HSF5: variants seen among roughly 807,000 people sequenced by gnomAD.
HSF5 encodes the protein heat shock transcription factor 5, also known as heat shock factor protein 5.
In HSF5, 5 loss-of-function variants were observed where a neutral mutation model predicts 50.8. That is an observed-to-expected ratio of 0.10 (90% CI 0.05 to 0.21). The LOEUF (loss-of-function observed/expected upper bound fraction) is 0.21. Among genes scored for constraint, HSF5 ranks in the 10% least tolerant of loss-of-function variants. The pLI is 1.00. For synonymous variants in HSF5, 307 were observed against 307.4 expected, an observed-to-expected ratio of 1.00 and a Z score of 0.02; for missense variants, 564 against 762.6, an observed-to-expected ratio of 0.74 and a Z score of 3.07.
At chr17:58,482,493 G>T (rs1013329591) in intron 1 of HSF5, among the ~76,000 whole-genome samples, 2 of 151,830 alleles carry the variant, frequency 1.3e-5, no homozygotes, top group Non-Finnish European at 2.9e-5. Flanking sequence ...CAGATCACTT[G>T]AGCTTAGGAG....
intron 2 of HSF5, chr17:58,476,649 G>A (rs1338871029): frequency 6.4e-6 from 10 of 1,559,940 alleles, no homozygotes; most frequent in East Asian, 2.2e-5. Flanking sequence ...GTGCCTCTTC[G>A]TCCTCCTCCC....
rs755456939 is a variant in HSF5 at position 58,480,169 on chromosome 17, G to T, written c.649C>A (p.Pro217Thr). Residue 217 changes from proline to threonine, a missense_variant, in exon 2 of 6, where the codon CCT (proline) becomes ACT (threonine). This residue lies in a region of HSF5 where 441 missense variants were observed against 533.6 expected (regional missense o/e 0.83). Coordinates refer to ENST00000323777, the MANE Select transcript of HSF5 (RefSeq NM_001080439.3). The part of the protein sequence containing the change: ...STPSHDHSTY[P>T]LKGLDRTPVP... ...GGGGTCCGATCTAAACCTTTCAGAG[G>T]GTAAGTACTGTGGTCGTGGGATGGA... 6.2e-7 allele frequency: 1 copy of T among 1,614,120 alleles called. No individual in the cohort carries two copies. The highest frequency in any genetic ancestry group is 1.7e-5 in the Admixed American group (1 of 60,014).
At chr17:58,441,819 T>C (rs1313771647) in intron 5 of HSF5, among the ~76,000 whole-genome samples, 2 of 152,256 alleles carry the variant, frequency 1.3e-5, no homozygotes, top group Non-Finnish European at 2.9e-5. Flanking sequence ...GCAGTTTCCA[T>C]CCAGCAGGAT....
Position 58,488,244 on chromosome 17 carries a change from G to T in HSF5, c.31C>A (p.Pro11Thr). The T allele has an allele frequency of 6.6e-7, 1 of 1,508,616 alleles. No homozygotes were observed. Among genetic ancestry groups the T allele is most frequent in the Non-Finnish European group, 8.8e-7 (1 of 1,142,476 alleles). 93.5% of individuals were successfully genotyped at this position (1,508,616 alleles called of 1,614,324 possible). Residue 11 changes from proline to threonine, a missense_variant, in exon 1 of 6, where the codon CCC (proline) becomes ACC (threonine). Transcript: ENST00000323777. This position sits in a 1 kb window ranked among gnomAD's most constrained non-coding sequence, Gnocchi z 4.1. ...CACAGCTTGGCGGGGAAGTTGTTGG[G>T]GTTGATGGGGGTGGAGAGCAGCGCC... MEALLSTPIN[P>T]NNFPAKLWRL... is the part of the protein sequence containing the mutation.
chr17:58,476,709 A>C (rs2143800764), intron 2 of HSF5: 1 of 1,588,764 alleles, frequency 6.3e-7, no homozygotes, highest in Non-Finnish European at 8.6e-7. Context: ...TTATCCAAAA[A>C]TGTGGGATTT....
intron 2 of HSF5, among the ~76,000 whole-genome samples, chr17:58,467,882 T>C (rs566628501): frequency 1.3e-5 from 2 of 152,316 alleles, no homozygotes; most frequent in South Asian, 2.1e-4. Flanking sequence ...GACTCTCCAG[T>C]ATAAGTGAGA....
intron 2 of HSF5, among the ~76,000 whole-genome samples, chr17:58,479,611 CTAAGTCT>C (rs1389199259): frequency 6.6e-6 from 1 of 152,002 alleles, no homozygotes; most frequent in Non-Finnish European, 1.5e-5. Flanking sequence ...CCTTGGGGTA[CTAAGTCT>C]TAATTTCATA....
Position 58,441,698 on chromosome 17 carries a change from G to A in HSF5, c.1720+17070C>T, listed in dbSNP as rs181092177. On this transcript the variant is annotated intron_variant, in intron 5 of 5. Coordinates refer to ENST00000323777, the MANE Select transcript of HSF5 (RefSeq NM_001080439.3). ...AGGAAGAGCCCTCTTGGAAGGGAAC[G>A]CCAGAGGTGATGGAGACAACAAATA... Among the ~76,000 whole-genome samples, 12 of 152,334 alleles carry A rather than the reference G, an allele frequency of 7.9e-5. No individual in the cohort carries two copies. In the East Asian group the frequency reaches 2.1e-3, roughly 27 times the overall value.
chr17:58,423,483 CT>C (rs71143245), intron 5 of HSF5, among the ~76,000 whole-genome samples: 1,572 of 106,504 alleles, frequency 0.015, 5 homozygotes, highest in African/African-American at 0.026. Context: ...GACCAGGGAG[CT>C]TTTTTTTTTT....
Position 58,466,727 on chromosome 17 carries a change from TTCTC to T in HSF5, c.1020+154_1020+157del, listed in dbSNP as rs1410354938. 1.2e-4 allele frequency among the ~76,000 whole-genome samples: 18 copies of T among 152,246 alleles called. No homozygotes were observed. In the East Asian group the frequency reaches 3.1e-3, roughly 26 times the overall value. ...AATTCTGAGATATTATTTATATCAATTCTCTCTTTTTTTTTTTAAGAATTGAGAA... is the reference window on the plus strand; with the variant it reads ...AATTCTGAGATATTATTTATATCAATTCTTTTTTTTTTTAAGAATTGAGAA... On this transcript the variant is annotated intron_variant, in intron 3 of 5. Coordinates refer to ENST00000323777, the MANE Select transcript of HSF5 (RefSeq NM_001080439.3).
At chr17:58,479,179 C>A (rs947421205) in intron 2 of HSF5, among the ~76,000 whole-genome samples, 4 of 151,662 alleles carry the variant, frequency 2.6e-5, no homozygotes, top group South Asian at 2.1e-4. Context: ...TACTGAGATA[C>A]TAAATGATTT....
chr17:58,427,592 TTAATGA>T (rs1974312300), intron 5 of HSF5, among the ~76,000 whole-genome samples: 1 of 152,242 alleles, frequency 6.6e-6, no homozygotes, highest in South Asian at 2.1e-4. Flanking sequence ...AGAGATACTC[TTAATGA>T]TAATGACAGA....
chr17:58,474,086 C>T (rs1196359839), intron 2 of HSF5, among the ~76,000 whole-genome samples: 1 of 152,128 alleles, frequency 6.6e-6, no homozygotes, highest in Non-Finnish European at 1.5e-5. Context: ...TTAAGTGATC[C>T]ACCCGCCTCG....
chr17:58,449,004 TA>T (rs1224989237), intron 5 of HSF5, among the ~76,000 whole-genome samples: 2 of 152,230 alleles, frequency 1.3e-5, no homozygotes, highest in African/African-American at 4.8e-5. Context: ...GTATAGAGTT[TA>T]AGGGTTTCTT....
At chr17:58,455,462 C>A (rs1435787416) in intron 5 of HSF5, among the ~76,000 whole-genome samples, 1 of 151,952 alleles carries the variant, frequency 6.6e-6, no homozygotes, top group African/African-American at 2.4e-5. Flanking sequence ...GCAACAAAAA[C>A]AAAAATGGAC....
chr17:58,444,538 C>G (rs543484470), intron 5 of HSF5, among the ~76,000 whole-genome samples: 1 of 152,158 alleles, frequency 6.6e-6, no homozygotes, highest in East Asian at 1.9e-4. Context: ...AAGTTAAACG[C>G]TTACACCATA....
At chr17:58,443,859 A>G (rs964722669) in intron 5 of HSF5, among the ~76,000 whole-genome samples, 4 of 152,226 alleles carry the variant, frequency 2.6e-5, no homozygotes, top group Non-Finnish European at 5.9e-5. Context: ...CGTCTGGGGA[A>G]GACATAAAGG....
chr17:58,462,165 T>C (rs1460577229), intron 4 of HSF5, among the ~76,000 whole-genome samples: 2 of 152,250 alleles, frequency 1.3e-5, no homozygotes, highest in East Asian at 1.9e-4. Context: ...GTACTTTTGA[T>C]GAATTATTCT....
intron 5 of HSF5, among the ~76,000 whole-genome samples, chr17:58,425,575 C>CAAAAAAAAAAAAAAAAAAA (rs66502039): frequency 6.1e-5 from 2 of 32,984 alleles, no homozygotes; most frequent in African/African-American, 1.5e-4. Flanking sequence ...ACCTCTATCT[C>CAAAAAAAAAAAAAAAAAAA]AAAAAAAAAA....
Sources: allele counts gnomAD v4.1 joint callset (sites outside exome capture counted in the v4.1 genomes callset), GRCh38; gene constraint gnomAD v4.1.1; regional missense constraint gnomAD v4.1.1; non-coding constraint Gnocchi (gnomAD v3.1); transcripts MANE v1.5; gene names NCBI Gene and HGNC (gene_info 2026-07-23, HGNC 2026-07-21).